Variants in NEMP2 observed in about 807,000 individuals in gnomAD.
NEMP2 encodes the protein nuclear envelope integral membrane protein 2.
NEMP2 carries 53 observed loss-of-function variants against 54.2 expected under a neutral mutation model. The observed-to-expected ratio is 0.98, with a 90% CI of 0.78 to 1.23. NEMP2 has a LOEUF of 1.23. Among genes scored for constraint, NEMP2 ranks in the 50% most tolerant of loss-of-function variants. The pLI, the probability that NEMP2 is intolerant of heterozygous loss-of-function variation, is 0.00. For synonymous variants in NEMP2, 197 were observed against 190.3 expected (o/e 1.04, Z -0.29); for missense variants, 455 against 511.3 (o/e 0.89, Z 1.06).
At chr2:190,482,736 A>G in the NEMP2 span, among the ~76,000 whole-genome samples, 2 of 152,080 alleles carry the variant, frequency 1.3e-5, no homozygotes, top group African/African-American at 2.4e-5. Flanking sequence ...AAGACTGAAC[A>G]ATTTTGAAAT....
In NEMP2 at chr2:190,533,165, C is replaced by T. The variant is rs886635267; in HGVS notation, c.97+1394G>A. Among the ~76,000 whole-genome samples, 9 of 152,242 alleles carry T rather than the reference C, an allele frequency of 5.9e-5. No individual in the cohort carries two copies. The highest frequency in any genetic ancestry group is 2.2e-4 in the African/African-American group (9 of 41,466). ...AAGAGAAAACTACGGTCCATAAAGA[C>T]TCTGTGCCTGGACCAAGGTTATACC... On this transcript the variant is annotated intron_variant, in intron 1 of 8. Coordinates refer to ENST00000409150, the MANE Select transcript of NEMP2 (RefSeq NM_001142645.2). This position sits in a 1 kb window ranked among gnomAD's most constrained non-coding sequence, Gnocchi z 4.3.
At chr2:190,563,857 C>T in the NEMP2 span, among the ~76,000 whole-genome samples, 13 of 152,252 alleles carry the variant, frequency 8.5e-5, 1 homozygote, top group South Asian at 2.7e-3. The surrounding 1 kb of genome is among the most constrained non-coding windows in gnomAD (Gnocchi z 4.3). Context: ...CCAGCCCACT[C>T]ATCAAAGCCC....
At chr2:190,550,427 A>T in the NEMP2 span, among the ~76,000 whole-genome samples, 1 of 152,166 alleles carries the variant, frequency 6.6e-6, no homozygotes, top group Non-Finnish European at 1.5e-5. The surrounding 1 kb of genome is among the most constrained non-coding windows in gnomAD (Gnocchi z 4.7). Context: ...CCTACCTCCT[A>T]ATACTATCAC....
chr2:190,567,868 C>T, the NEMP2 span, among the ~76,000 whole-genome samples: 4 of 152,102 alleles, frequency 2.6e-5, no homozygotes, highest in South Asian at 8.3e-4. The surrounding 1 kb of genome is among the most constrained non-coding windows in gnomAD (Gnocchi z 4.0). Flanking sequence ...AGGATGGTCT[C>T]GATCTCTTGA....
At chr2:190,647,276 C>T in the NEMP2 span, among the ~76,000 whole-genome samples, 1 of 152,134 alleles carries the variant, frequency 6.6e-6, no homozygotes, top group African/African-American at 2.4e-5. Context: ...ATATGTATTC[C>T]ATTGCGGCAT....
chr2:190,442,335 G>A, the NEMP2 span, among the ~76,000 whole-genome samples: 18 of 152,122 alleles, frequency 1.2e-4, no homozygotes, highest in African/African-American at 4.1e-4. Flanking sequence ...AATACTAAAG[G>A]GAAGCGTGTT....
rs1690310515 is a variant in NEMP2, at chr2:190,510,282, G to A, written c.1130+79C>T. 6.8e-7 allele frequency: 1 copy of A among 1,480,582 alleles called. No homozygotes were observed. The highest frequency in any genetic ancestry group is 9.1e-7 in the Non-Finnish European group (1 of 1,094,118). 91.7% of individuals were successfully genotyped at this position (1,480,582 alleles called of 1,614,324 possible). A position where few individuals can be genotyped will look rare whatever the true frequency, so the allele number is the denominator to read the frequency against. On this transcript the variant is annotated intron_variant, in intron 8 of 8. Coordinates refer to ENST00000409150, the MANE Select transcript of NEMP2 (RefSeq NM_001142645.2). The surrounding 1 kb of genome is among the most constrained non-coding windows in gnomAD (Gnocchi z 5.7). ...GGAAACAGTCTATTTCTACCCTGAA[G>A]TGCCTGTACCAAACCATCATATTAT... is the stretch of plus-strand genomic sequence containing the variant.
At chr2:190,612,929 A>G in the NEMP2 span, among the ~76,000 whole-genome samples, 9 of 147,038 alleles carry the variant, frequency 6.1e-5, no homozygotes, top group Non-Finnish European at 1.1e-4. Context: ...TTAATTGGAA[A>G]ATACCTAAAT....
At chr2:190,597,122 G>A in the NEMP2 span, among the ~76,000 whole-genome samples, 1 of 151,882 alleles carries the variant, frequency 6.6e-6, no homozygotes, top group Non-Finnish European at 1.5e-5. This position sits in a 1 kb window ranked among gnomAD's most constrained non-coding sequence, Gnocchi z 4.7. Context: ...TAATTAGTTG[G>A]GTGTGGTGGT....
the NEMP2 span, among the ~76,000 whole-genome samples, chr2:190,489,471 T>C: frequency 2.6e-5 from 4 of 152,298 alleles, no homozygotes; most frequent in East Asian, 7.7e-4. The surrounding 1 kb of genome is among the most constrained non-coding windows in gnomAD (Gnocchi z 6.6). Flanking sequence ...GGTCTTTTCA[T>C]ATGAAGAGGA....
chr2:190,607,000 T>C, the NEMP2 span, among the ~76,000 whole-genome samples: 1 of 152,130 alleles, frequency 6.6e-6, no homozygotes, highest in Non-Finnish European at 1.5e-5. Context: ...CCTGCTCTGG[T>C]GTGCTGATCC....
the NEMP2 span, among the ~76,000 whole-genome samples, chr2:190,484,576 C>T: frequency 5.9e-5 from 9 of 152,070 alleles, no homozygotes; most frequent in South Asian, 2.1e-4. Context: ...TATTTTAAAA[C>T]GAGAGAATCA....
At chr2:190,551,168 T>C in the NEMP2 span, among the ~76,000 whole-genome samples, 11 of 151,732 alleles carry the variant, frequency 7.2e-5, no homozygotes, top group South Asian at 2.3e-3. Context: ...CTCAGCTACA[T>C]AGTGTGCTTT....
In NEMP2 at chr2:190,513,392, G is replaced by A. The variant is rs1690439889; in HGVS notation, c.953+1061C>T. 1.3e-5 allele frequency among the ~76,000 whole-genome samples: 2 copies of A among 152,176 alleles called. 1 individual carries two copies. Among genetic ancestry groups the A allele is most frequent in the Non-Finnish European group, 2.9e-5 (2 of 68,028 alleles). On this transcript the variant is annotated intron_variant, in intron 7 of 8. Transcript: ENST00000409150. The surrounding 1 kb of genome is among the most constrained non-coding windows in gnomAD (Gnocchi z 5.3). ...TAACAGCCCCGTTTTCAATGAGGTT[G>A]CTTTGTAGAGTTTCCCACAGTCCTC... is the stretch of plus-strand genomic sequence containing the variant.
the NEMP2 span, chr2:190,488,733 T>C: frequency 5.0e-6 from 8 of 1,610,310 alleles, no homozygotes; most frequent in Non-Finnish European, 5.9e-6. The surrounding 1 kb of genome is among the most constrained non-coding windows in gnomAD (Gnocchi z 6.4). Context: ...TGAGGACATC[T>C]GCTCAGGGCA....
Position 190,529,414 on chromosome 2 carries a change from G to A in NEMP2, c.98-4036C>T, listed in dbSNP as rs980285658. 6.6e-6 allele frequency among the ~76,000 whole-genome samples: 1 copy of A among 151,962 alleles called. No homozygotes were observed. Among genetic ancestry groups the A allele is most frequent in the Non-Finnish European group, 1.5e-5 (1 of 68,000 alleles). ...CCCCCACATAAAGTTTCCTCAGTCT[G>A]CTGCAACCTTCTTCTCCCAGATCTT... On this transcript the variant is annotated intron_variant, in intron 1 of 8. Coordinates refer to ENST00000409150, the MANE Select transcript of NEMP2 (RefSeq NM_001142645.2). This position sits in a 1 kb window ranked among gnomAD's most constrained non-coding sequence, Gnocchi z 4.7.
At chr2:190,554,811 G>C in the NEMP2 span, among the ~76,000 whole-genome samples, 1 of 152,234 alleles carries the variant, frequency 6.6e-6, no homozygotes, top group African/African-American at 2.4e-5. The surrounding 1 kb of genome is among the most constrained non-coding windows in gnomAD (Gnocchi z 5.7). Flanking sequence ...GCTCCGATAA[G>C]GGACAGTGTG....
chr2:190,611,718 T>G, the NEMP2 span, among the ~76,000 whole-genome samples: 1 of 152,242 alleles, frequency 6.6e-6, no homozygotes, highest in Non-Finnish European at 1.5e-5. The surrounding 1 kb of genome is among the most constrained non-coding windows in gnomAD (Gnocchi z 5.4). Context: ...CATGACTCCT[T>G]ATAATCTTTT....
At chr2:190,541,794 A>C in the NEMP2 span, among the ~76,000 whole-genome samples, 1 of 151,680 alleles carries the variant, frequency 6.6e-6, no homozygotes, top group Non-Finnish European at 1.5e-5. The surrounding 1 kb of genome is among the most constrained non-coding windows in gnomAD (Gnocchi z 5.2). Context: ...TTCTGTGAAC[A>C]TTTTTCTGGG....
Sources: gnomAD v4.1 joint callset for allele counts (sites outside exome capture counted in the v4.1 genomes callset) on GRCh38, gnomAD v4.1.1 for gene constraint, Gnocchi (gnomAD v3.1) non-coding constraint, MANE v1.5 for transcripts, NCBI Gene and HGNC (gene_info 2026-07-23, HGNC 2026-07-21) for gene names.